The following PDE10A variants were observed in gnomAD, a reference collection of about 807,000 sequenced individuals.
The protein encoded by PDE10A is cAMP and cAMP-inhibited cGMP 3',5'-cyclic phosphodiesterase 10A.
A neutral mutation model predicts 97.7 loss-of-function variants in PDE10A; 39 were observed. The observed-to-expected ratio is 0.40, with a 90% CI of 0.31 to 0.52. PDE10A has a LOEUF of 0.52. Among genes scored for constraint, PDE10A ranks in the 20% least tolerant of loss-of-function variants. The pLI, the probability that PDE10A is intolerant of heterozygous loss-of-function variation, is 0.56. For missense variants in PDE10A, 731 were observed against 1,047.8 expected (o/e 0.70, Z 4.17); for synonymous variants, 371 against 376.8 (o/e 0.98, Z 0.18).
rs918011319 is a variant in PDE10A, at chr6:165,804,611, T to C, written c.-615+182918A>G. Reference sequence around the variant, plus strand: ...CGAGCAGCCAAGGAGCGCCGGAGTTTGGAAACCTGGGGCCCTGGAAACCCG... The same window carrying C: ...CGAGCAGCCAAGGAGCGCCGGAGTTCGGAAACCTGGGGCCCTGGAAACCCG... On this transcript the variant is annotated intron_variant, in intron 1 of 19. Coordinates refer to the PDE10A transcript ENST00000366882. Among the ~76,000 whole-genome samples the C allele has an allele frequency of 3.3e-5, 5 of 152,086 alleles. No homozygotes were observed. In the South Asian group the frequency reaches 1.0e-3, roughly 32 times the overall value.
chr6:165,708,886 G>A (rs367842848), intron 1 of PDE10A, among the ~76,000 whole-genome samples: 2 of 14,000 alleles, frequency 1.4e-4, no homozygotes, highest in Non-Finnish European at 2.4e-4. Context: ...ACTCTCCACC[G>A]CCATGCTGCC....
chr6:165,505,608 G>A (rs943843984), intron 2 of PDE10A, among the ~76,000 whole-genome samples: 3 of 152,080 alleles, frequency 2.0e-5, no homozygotes, highest in Non-Finnish European at 4.4e-5. Context: ...AAAGTTAATC[G>A]GTTGGTGGTC....
At chr6:165,414,478 T>C (rs1345045898) in intron 12 of PDE10A, among the ~76,000 whole-genome samples, 1 of 152,234 alleles carries the variant, frequency 6.6e-6, no homozygotes, top group African/African-American at 2.4e-5. Flanking sequence ...TTCATCCATG[T>C]TGTTGCATGT....
chr6:165,658,687 G>C (rs985019784), intron 1 of PDE10A, among the ~76,000 whole-genome samples: 1 of 152,202 alleles, frequency 6.6e-6, no homozygotes, highest in Admixed American at 6.5e-5. Context: ...TGACTTCTCC[G>C]CTCTCCATTG....
At position 165,384,395 on chromosome 6, in the gene PDE10A, C is replaced by T. The variant is rs138407710; in HGVS notation, c.2610+3903G>A. On this transcript the variant is annotated intron_variant, in intron 17 of 21. Coordinates refer to ENST00000539869, the MANE Select transcript of PDE10A (RefSeq NM_001385079.1). ...AACACCATGAAAACAATCCTGATGG[C>T]CAGCATTAAGGCACAATGGGAAGCT... is the stretch of plus-strand genomic sequence containing the variant. Among the ~76,000 whole-genome samples the T allele has an allele frequency of 1.8e-3, 281 of 152,210 alleles. 2 individuals carry two copies. Among genetic ancestry groups the T allele is most frequent in the African/African-American group, 6.4e-3 (267 of 41,532 alleles).
intron 1 of PDE10A, among the ~76,000 whole-genome samples, chr6:165,862,543 A>G (rs546126793): frequency 1.3e-3 from 192 of 152,372 alleles, no homozygotes; most frequent in African/African-American, 4.5e-3. Context: ...GGCTGAAGTC[A>G]CAGAAATTCA....
intron 1 of PDE10A, among the ~76,000 whole-genome samples, chr6:165,786,505 C>T (rs1049652308): frequency 4.6e-5 from 7 of 152,184 alleles, no homozygotes; most frequent in African/African-American, 1.7e-4. Context: ...AGCATTTCTC[C>T]TTCACAGAAA....
At chr6:165,810,431 A>G (rs1779249513) in intron 1 of PDE10A, among the ~76,000 whole-genome samples, 1 of 152,106 alleles carries the variant, frequency 6.6e-6, no homozygotes, top group African/African-American at 2.4e-5. Context: ...CATGCTCTGG[A>G]AGCCTGGCAT....
At chr6:165,514,916 C>T (rs1250259415) in intron 2 of PDE10A, among the ~76,000 whole-genome samples, 1 of 152,116 alleles carries the variant, frequency 6.6e-6, no homozygotes, top group Non-Finnish European at 1.5e-5. Context: ...CCATATTTTC[C>T]ACTTCATAAT....
In PDE10A at chr6:165,829,838, C is replaced by G. The variant is rs1410184315; in HGVS notation, c.-615+157691G>C. Among the ~76,000 whole-genome samples the G allele has an allele frequency of 2.0e-5, 3 of 152,144 alleles. No homozygotes were observed. In the East Asian group the frequency reaches 5.8e-4, roughly 29 times the overall value. The stretch of plus-strand genomic sequence containing the variant: ...TTATCAGACACGGCTGGGCTCTCCC[C>G]CACCTCTCAGCAGCAGCCTTGCGGC... On this transcript the variant is annotated intron_variant, in intron 1 of 19. Coordinates refer to the PDE10A transcript ENST00000366882.
At chr6:165,359,307 G>A (rs999572114) in intron 18 of PDE10A, among the ~76,000 whole-genome samples, 1 of 151,988 alleles carries the variant, frequency 6.6e-6, no homozygotes, top group Non-Finnish European at 1.5e-5. Flanking sequence ...TATTCTTCCA[G>A]CTTTTATTTA....
intron 1 of PDE10A, among the ~76,000 whole-genome samples, chr6:165,817,255 C>G (rs1779444091): frequency 6.6e-6 from 1 of 152,086 alleles, no homozygotes; most frequent in African/African-American, 2.4e-5. Context: ...ACAGCTTCTG[C>G]TACAAAAGAG....
chr6:165,659,897 C>G (rs1446656600), intron 1 of PDE10A, among the ~76,000 whole-genome samples: 4 of 152,190 alleles, frequency 2.6e-5, no homozygotes, highest in Admixed American at 1.3e-4. Context: ...CCTGAACACA[C>G]GAGCCAACAG....
At chr6:165,801,980 G>A (rs1778998305) in intron 1 of PDE10A, among the ~76,000 whole-genome samples, 1 of 152,126 alleles carries the variant, frequency 6.6e-6, no homozygotes, top group Admixed American at 6.5e-5. Context: ...GTTTTTAAGA[G>A]GAAAAATGTA....
chr6:165,587,697 GAAC>G (rs1040693272), intron 1 of PDE10A, among the ~76,000 whole-genome samples: 1 of 151,880 alleles, frequency 6.6e-6, no homozygotes, highest in African/African-American at 2.4e-5. Flanking sequence ...TGATAGGATA[GAAC>G]AACTAAGGTA....
rs1009807499 is a variant in PDE10A at position 165,597,267 on chromosome 6, A to T, written c.866-53699T>A. Among the ~76,000 whole-genome samples the T allele has an allele frequency of 4.2e-4, 64 of 151,856 alleles. 1 individual carries two copies. The highest frequency in any genetic ancestry group is 1.4e-3 in the African/African-American group (59 of 41,214). On this transcript the variant is annotated intron_variant, in intron 1 of 21. Transcript: ENST00000539869. Reference sequence around the variant, plus strand: ...TGTTACATAAATAAATACATGATAAACCCACACATACAGACCATGGATTAA... The same window carrying T: ...TGTTACATAAATAAATACATGATAATCCCACACATACAGACCATGGATTAA...
At chr6:165,580,692 T>C (rs1460408665) in intron 1 of PDE10A, among the ~76,000 whole-genome samples, 1 of 152,178 alleles carries the variant, frequency 6.6e-6, no homozygotes, top group Admixed American at 6.5e-5. Context: ...AACTCACATA[T>C]ATATGGTGTA....
chr6:165,425,797 G>GTGTGTGTGTA (rs776240558), intron 10 of PDE10A, among the ~76,000 whole-genome samples: 52 of 151,572 alleles, frequency 3.4e-4, no homozygotes, highest in African/African-American at 1.2e-3. Flanking sequence ...GTGTGTGTGT[G>GTGTGTGTGTA]TGTATGTATG....
chr6:165,430,251 T>C, intron 9 of PDE10A, 36 bp downstream of exon 9: 1 of 1,461,662 alleles, frequency 6.8e-7, no homozygotes, highest in Non-Finnish European at 9.5e-7. Context: ...AACCATTGAT[T>C]AATAAGAGCT....
Sources: allele counts gnomAD v4.1 joint callset (sites outside exome capture counted in the v4.1 genomes callset), GRCh38; gene constraint gnomAD v4.1.1; transcripts MANE v1.5; gene names NCBI Gene and HGNC (gene_info 2026-07-23, HGNC 2026-07-21).